CDH4: variants seen among roughly 807,000 people sequenced by gnomAD.
CDH4 encodes cadherin-4.
A neutral mutation model predicts 86.0 loss-of-function variants in CDH4; 33 were observed. The ratio of observed to expected loss-of-function variants is 0.38; its 90% CI spans 0.29 to 0.51. The LOEUF (loss-of-function observed/expected upper bound fraction) is 0.51. Ranked by LOEUF, CDH4 falls within the 20% of genes least tolerant of loss-of-function variation. The pLI is 0.86. For missense variants in CDH4, 1,114 were observed against 1,307.4 expected (o/e 0.85, Z 2.28); for synonymous variants, 555 against 549.4 (o/e 1.01, Z -0.14).
At position 61,939,458 on chromosome 20, in the gene CDH4, G is replaced by C. The variant is rs909885596; in HGVS notation, c.*2515G>C. 31 of 152,372 alleles carry C rather than the reference G, an allele frequency of 2.0e-4. No homozygotes were observed. The highest frequency in any genetic ancestry group is 7.0e-4 in the African/African-American group (29 of 41,580). The allele number at this position is 152,372 out of a possible 1,614,324, so 9.4% of individuals were successfully genotyped here. A position where few individuals can be genotyped will look rare whatever the true frequency, so the allele number is the denominator to read the frequency against. On this transcript the variant is annotated 3_prime_UTR_variant, in exon 16 of 16. Coordinates refer to ENST00000614565, the MANE Select transcript of CDH4 (RefSeq NM_001794.5). ...GTGCCAGCTGGAGGGATGTTCATAGGGCTTCCTGTGCCCATCCCTGCTCCA... is the reference window on the plus strand; with the variant it reads ...GTGCCAGCTGGAGGGATGTTCATAGCGCTTCCTGTGCCCATCCCTGCTCCA...
chr20:61,858,325 C>CTGTCTG lies in CDH4; in HGVS notation c.877+5435_877+5440dup, dbSNP rs140028683. Among the ~76,000 whole-genome samples the CTGTCTG allele has an allele frequency of 5.5e-5, 8 of 145,828 alleles. No individual in the cohort carries two copies. The East Asian group carries it at 1.7e-3, about 30-fold the overall frequency. On this transcript the variant is annotated intron_variant, in intron 6 of 15. Coordinates refer to ENST00000614565, the MANE Select transcript of CDH4 (RefSeq NM_001794.5). ...TCTGTGTCTGTATGTGTGTCTGTGT[C>CTGTCTG]TGTCTGTGTCTGTATCTGCGTATGT...
intron 2 of CDH4, among the ~76,000 whole-genome samples, chr20:61,662,248 A>C (rs921029295): frequency 6.6e-6 from 1 of 152,176 alleles, no homozygotes; most frequent in Non-Finnish European, 1.5e-5. Context: ...CCTGCGCTGG[A>C]CTGCTTGGTG....
rs147115582 is a variant in CDH4, at chr20:61,286,611, C to T, written c.169+31674C>T. 5.8e-3 allele frequency among the ~76,000 whole-genome samples: 879 copies of T among 152,352 alleles called. 4 individuals carry two copies. Among genetic ancestry groups the T allele is most frequent in the Non-Finnish European group, 9.7e-3 (659 of 68,034 alleles). On this transcript the variant is annotated intron_variant, in intron 2 of 15. Transcript: ENST00000614565. Reference sequence around the variant, plus strand: ...CAGCTTTGTGCAAGTAAACATATGACAGCGTAAAAGCTTTTTAACATCCCT... The same window carrying T: ...CAGCTTTGTGCAAGTAAACATATGATAGCGTAAAAGCTTTTTAACATCCCT...
At chr20:61,422,443 AAAAAAAAAAAAAAAAAAAAAAAAAC>A (rs1215518163) in intron 2 of CDH4, among the ~76,000 whole-genome samples, 58 of 128,952 alleles carry the variant, frequency 4.5e-4, no homozygotes, top group South Asian at 4.2e-3. Flanking sequence ...AAAAAAAAAA[AAAAAAAAAAAAAAAAAAAAAAAAAC>A]CAAATCTCCC....
intron 15 of CDH4, 50 bp downstream of exon 15, chr20:61,934,270 A>G (rs2055152177): frequency 2.0e-6 from 3 of 1,489,758 alleles, no homozygotes; most frequent in Non-Finnish European, 2.7e-6. Context: ...CTCCTCTAAA[A>G]ATTAAATTCT....
chr20:61,546,842 GA>G (rs1473725114), intron 2 of CDH4, among the ~76,000 whole-genome samples: 1 of 152,158 alleles, frequency 6.6e-6, no homozygotes, highest in Non-Finnish European at 1.5e-5. Flanking sequence ...GGTGCCACGG[GA>G]TAATCCTTTA....
chr20:61,795,113 G>GATGGTGATGATGGTGATGATGATGGTA (rs796367519), intron 4 of CDH4, among the ~76,000 whole-genome samples: 2 of 82,212 alleles, frequency 2.4e-5, no homozygotes, highest in Admixed American at 1.3e-4. Context: ...TGATGATGGT[G>GATGGTGATGATGGTGATGATGATGGTA]GTGATAATGG....
At chr20:61,858,960 G>A (rs898175348) in intron 6 of CDH4, among the ~76,000 whole-genome samples, 1 of 152,326 alleles carries the variant, frequency 6.6e-6, no homozygotes, top group East Asian at 1.9e-4. Context: ...CTCGGGAGCA[G>A]GCGTTTGTTT....
At chr20:61,760,013 C>T (rs2088613623) in intron 3 of CDH4, among the ~76,000 whole-genome samples, 1 of 152,244 alleles carries the variant, frequency 6.6e-6, no homozygotes, top group South Asian at 2.1e-4. Flanking sequence ...TGTACCAGAA[C>T]ATTCTGGAAC....
chr20:61,476,023 C>T (rs1048489758), intron 2 of CDH4, among the ~76,000 whole-genome samples: 1 of 152,128 alleles, frequency 6.6e-6, no homozygotes, highest in African/African-American at 2.4e-5. Flanking sequence ...TGCACGTGGT[C>T]ACCACTAGAC....
chr20:61,660,988 C>G (rs1302040181), intron 2 of CDH4, among the ~76,000 whole-genome samples: 2 of 150,304 alleles, frequency 1.3e-5, no homozygotes, highest in Non-Finnish European at 2.9e-5. Context: ...TGAATTGCTA[C>G]TAAGAGCAGA....
chr20:61,907,076 C>T (rs1365080341), intron 8 of CDH4, among the ~76,000 whole-genome samples: 2 of 152,062 alleles, frequency 1.3e-5, no homozygotes, highest in Admixed American at 6.5e-5. Flanking sequence ...CCACCACCAC[C>T]TCTGCCTGGA....
At position 61,716,043 on chromosome 20, in the gene CDH4, G is replaced by C. The variant is rs2087949028; in HGVS notation, c.170-27520G>C. 2.0e-5 allele frequency among the ~76,000 whole-genome samples: 3 copies of C among 152,350 alleles called. No homozygotes were observed. The South Asian group carries it at 6.2e-4, about 32-fold the overall frequency. ...CCAGGCAGCAGCAGCCCCAGTGCCA[G>C]CTGGGGCTCTGGAGGTGGCTTCTTT... On this transcript the variant is annotated intron_variant, in intron 2 of 15. Transcript: ENST00000614565.
At chr20:61,305,773 A>C (rs140169564) in intron 2 of CDH4, among the ~76,000 whole-genome samples, 575 of 152,332 alleles carry the variant, frequency 3.8e-3, no homozygotes, top group Non-Finnish European at 6.5e-3. Flanking sequence ...TTCATGAAAG[A>C]TGCTGCCACA....
chr20:61,601,579 A>G (rs1394885950), intron 2 of CDH4, among the ~76,000 whole-genome samples: 1 of 152,046 alleles, frequency 6.6e-6, no homozygotes, highest in Non-Finnish European at 1.5e-5. Context: ...CCCGCTGCCC[A>G]CCATGCACCC....
intron 2 of CDH4, among the ~76,000 whole-genome samples, chr20:61,372,940 G>A (rs937118824): frequency 3.3e-5 from 5 of 152,262 alleles, no homozygotes; most frequent in African/African-American, 9.6e-5. Flanking sequence ...CCCCAGCCCC[G>A]TGCCCTCCGC....
intron 8 of CDH4, among the ~76,000 whole-genome samples, chr20:61,898,661 C>A (rs76253189): frequency 6.6e-6 from 1 of 152,168 alleles, no homozygotes; most frequent in African/African-American, 2.4e-5. Flanking sequence ...CTGGCCCCAC[C>A]CTTGGTCCCT....
chr20:61,746,708 T>G (rs1446970618), intron 3 of CDH4, among the ~76,000 whole-genome samples: 1 of 152,240 alleles, frequency 6.6e-6, no homozygotes, highest in Non-Finnish European at 1.5e-5. Context: ...GCTACCCATG[T>G]CCCAGCCAAA....
intron 2 of CDH4, among the ~76,000 whole-genome samples, chr20:61,729,686 G>A (rs760100852): frequency 1.3e-5 from 2 of 152,212 alleles, no homozygotes; most frequent in African/African-American, 4.8e-5. Context: ...GGGCCACACC[G>A]GAGAGTGTAA....
Sources: allele counts gnomAD v4.1 joint callset (sites outside exome capture counted in the v4.1 genomes callset), GRCh38; gene constraint gnomAD v4.1.1; transcripts MANE v1.5; gene names NCBI Gene and HGNC (gene_info 2026-07-23, HGNC 2026-07-21).